KCNT1: variants seen among roughly 807,000 people sequenced by gnomAD.
KCNT1 encodes the protein potassium channel subfamily T member 1.
Under a neutral mutation model 147.8 loss-of-function variants are expected in KCNT1, and 78 were observed. The observed-to-expected ratio is 0.53, with a 90% CI of 0.44 to 0.64. KCNT1 has a LOEUF of 0.64. Ranked by LOEUF, KCNT1 falls within the 30% of genes least tolerant of loss-of-function variation. The pLI, the probability that KCNT1 is intolerant of heterozygous loss-of-function variation, is 0.00. For missense variants in KCNT1, 1,419 were observed against 1,750.3 expected (o/e 0.81, Z 3.38); for synonymous variants, 867 against 748.8 (o/e 1.16, Z -2.58).
At chr9:135,764,920 G>T (rs186246581) in intron 11 of KCNT1, 111 bp from the exon 12 acceptor site, 8 of 1,225,004 alleles carry the variant, frequency 6.5e-6, no homozygotes, top group Middle Eastern at 4.1e-4. Flanking sequence ...CCCCCGGCCG[G>T]CCCTGCCCCA....
chr9:135,775,363 T>C lies in KCNT1; in HGVS notation c.2297T>C (p.Leu766Pro), dbSNP rs1366096381. The C allele has an allele frequency of 1.2e-6, 2 of 1,611,008 alleles. No homozygotes were observed. Among genetic ancestry groups the C allele is most frequent in the East Asian group, 4.5e-5 (2 of 44,796 alleles). The change falls in exon 20 of 31, where the codon CTG becomes CCG. Residue 766 changes from leucine (L) to proline (P), a missense_variant. Physicochemically the swap from Leu to Pro is moderately conservative, Grantham distance 98 (BLOSUM62 -3). Around this residue, in one of 5 missense-constraint regions of KCNT1, gnomAD observed 247 missense variants for 397.1 expected, o/e 0.62. Coordinates refer to ENST00000371757, the MANE Select transcript of KCNT1 (RefSeq NM_020822.3). Reference protein sequence around the residue: ...NSPYIGSSPTLCHLLPVKAPF... With the variant: ...NSPYIGSSPTPCHLLPVKAPF... The stretch of plus-strand genomic sequence containing the variant: ...CCCTACATCGGCAGCTCCCCAACCC[T>C]GTGCCACCTCCTGCCTGTGAAAGCC...
rs1299679925 is a variant in KCNT1 at position 135,779,461 on chromosome 9, A to G, written c.2832A>G (p.Lys944=). 1.2e-6 allele frequency: 2 copies of G among 1,610,838 alleles called. No individual in the cohort carries two copies. Among genetic ancestry groups the G allele is most frequent in the Non-Finnish European group, 1.7e-6 (2 of 1,177,302 alleles). Residue 944 remains lysine (K), a synonymous_variant, in exon 24 of 31, where the codon AAA becomes AAG. Coordinates refer to ENST00000371757, the MANE Select transcript of KCNT1 (RefSeq NM_020822.3). The stretch of plus-strand genomic sequence containing the variant: ...ACAGCTACTCTCTGGCTCTTTCCAA[A>G]CTAGAAAAGGTGAGCAGCCCTGCCC... ...AKDSYSLALS[K]LEKRERENGS...
In KCNT1 at chr9:135,765,309, C is replaced by T. The variant is rs1832187601; in HGVS notation, c.1200+114C>T. On this transcript the variant is annotated intron_variant, in intron 12 of 30. Transcript: ENST00000371757. ...GAGTCCTCTCAGCCTTGGTTTACCC[C>T]TTCAGTGAGGGCAGATGCCTCCCTC... 4.8e-6 allele frequency: 5 copies of T among 1,039,484 alleles called. No individual in the cohort carries two copies. In the South Asian group the frequency reaches 7.5e-5, roughly 16 times the overall value. 64.4% of individuals were successfully genotyped at this position (1,039,484 alleles called of 1,614,324 possible).
chr9:135,729,115 CG>C (rs1836329795), intron 2 of KCNT1, among the ~76,000 whole-genome samples: 1 of 152,164 alleles, frequency 6.6e-6, no homozygotes, highest in Non-Finnish European at 1.5e-5. Context: ...CAGGTATACA[CG>C]GGAGATATAA....
chr9:135,775,178 C>T (rs1031639283), intron 19 of KCNT1, 132 bp from the exon 20 acceptor site: 1 of 592,928 alleles, frequency 1.7e-6, no homozygotes, highest in Non-Finnish European at 2.9e-6. Flanking sequence ...CTTGGGTCAG[C>T]TGTGCGTGAC....
chr9:135,765,227 C>A, intron 12 of KCNT1, 32 bp downstream of exon 12: 1 of 1,594,868 alleles, frequency 6.3e-7, no homozygotes, highest in Non-Finnish European at 8.6e-7. Flanking sequence ...CAGCAGACGA[C>A]TCCCTCCCGG....
At chr9:135,712,803 A>G (rs527550837) in intron 1 of KCNT1, among the ~76,000 whole-genome samples, 1 of 152,318 alleles carries the variant, frequency 6.6e-6, no homozygotes, top group Admixed American at 6.5e-5. Context: ...TGTGGGGGGA[A>G]CAAGGCAGGA....
At chr9:135,788,146 C>T (rs780485857) in intron 29 of KCNT1, 5 of 1,612,752 alleles carry the variant, frequency 3.1e-6, no homozygotes, top group African/African-American at 2.7e-5. Flanking sequence ...ATCGGGTAAA[C>T]CTGGGATATT....
At chr9:135,766,126 G>A (rs1254796843) in intron 13 of KCNT1, among the ~76,000 whole-genome samples, 1 of 151,172 alleles carries the variant, frequency 6.6e-6, no homozygotes, top group African/African-American at 2.4e-5. Flanking sequence ...TAGACCTTCT[G>A]GGATGGACCA....
Position 135,714,554 on chromosome 9 carries a change from G to A in KCNT1, c.111-23G>A. 22 of 1,118,520 alleles carry A rather than the reference G, an allele frequency of 2.0e-5. No homozygotes were observed. Among genetic ancestry groups the A allele is most frequent in the Non-Finnish European group, 2.4e-5 (22 of 914,166 alleles). The allele number at this position is 1,118,520 out of a possible 1,614,324, so 69.3% of individuals were successfully genotyped here. ...CGCGAGGGCGCCCGACGCGGGCTGA[G>A]GGGCGCTGGCGTGTGCCCGCAGGCG... is the stretch of plus-strand genomic sequence containing the variant. On this transcript the variant is annotated intron_variant, in intron 1 of 30. Coordinates refer to ENST00000371757, the MANE Select transcript of KCNT1 (RefSeq NM_020822.3). The surrounding 1 kb of genome is among the most constrained non-coding windows in gnomAD (Gnocchi z 6.2).
chr9:135,756,943 G>A lies in KCNT1; in HGVS notation c.600+11G>A, dbSNP rs375220600. The A allele has an allele frequency of 7.5e-4, 1,200 of 1,610,422 alleles. 11 individuals carry two copies. The South Asian group carries it at 0.012, about 16-fold the overall frequency. ...TACCTCAGCTACAAAGTGAGTGCCT[G>A]CCCGGGATGGCACCTCACAGGGGGT... On this transcript the variant is annotated intron_variant, in intron 7 of 30. Coordinates refer to ENST00000371757, the MANE Select transcript of KCNT1 (RefSeq NM_020822.3).
intron 2 of KCNT1, among the ~76,000 whole-genome samples, chr9:135,748,707 C>G (rs995901563): frequency 2.0e-5 from 3 of 152,254 alleles, no homozygotes; most frequent in Non-Finnish European, 4.4e-5. Flanking sequence ...CCAGGCAGCA[C>G]AAGTCTTCCT....
At chr9:135,704,732 G>A (rs540100684) in intron 1 of KCNT1, among the ~76,000 whole-genome samples, 2 of 152,346 alleles carry the variant, frequency 1.3e-5, no homozygotes, top group East Asian at 3.9e-4. Context: ...TCAGGCCCTG[G>A]CATCCTGCCA....
intron 1 of KCNT1, among the ~76,000 whole-genome samples, chr9:135,704,864 C>T (rs1021565756): frequency 1.3e-5 from 2 of 152,230 alleles, no homozygotes; most frequent in Non-Finnish European, 2.9e-5. Flanking sequence ...AGATACCGCC[C>T]AGCACTGGCC....
chr9:135,718,534 G>A (rs1285780833), intron 2 of KCNT1, among the ~76,000 whole-genome samples: 1 of 152,216 alleles, frequency 6.6e-6, no homozygotes, highest in Non-Finnish European at 1.5e-5. Context: ...CTTGGCCATG[G>A]GGGTGTCTCA....
At chr9:135,787,848 A>G (rs1834189246) in intron 29 of KCNT1, among the ~76,000 whole-genome samples, 1 of 152,082 alleles carries the variant, frequency 6.6e-6, no homozygotes. Context: ...GTCCCCTGTG[A>G]CTGCTGGCAG....
intron 1 of KCNT1, among the ~76,000 whole-genome samples, chr9:135,707,009 G>C (rs949698566): frequency 3.3e-5 from 5 of 151,742 alleles, no homozygotes; most frequent in Middle Eastern, 3.4e-3. Flanking sequence ...CCAAGGCCAG[G>C]CACGGTGGGT....
intron 2 of KCNT1, among the ~76,000 whole-genome samples, chr9:135,735,448 A>G (rs1479257418): frequency 3.3e-5 from 5 of 151,750 alleles, no homozygotes; most frequent in African/African-American, 4.8e-5. Context: ...CTGGAGTTTT[A>G]CCCCCACCCC....
chr9:135,775,040 C>T (rs1833066539), intron 19 of KCNT1, among the ~76,000 whole-genome samples: 1 of 152,200 alleles, frequency 6.6e-6, no homozygotes. Context: ...GGGCACTGCC[C>T]TGACTGCCCT....
Sources: gnomAD v4.1 joint callset for allele counts (sites outside exome capture counted in the v4.1 genomes callset) on GRCh38, gnomAD v4.1.1 for gene constraint, gnomAD v4.1.1 regional missense constraint, Gnocchi (gnomAD v3.1) non-coding constraint, MANE v1.5 for transcripts, NCBI Gene and HGNC (gene_info 2026-07-23, HGNC 2026-07-21) for gene names.